The following LINGO1 variants were observed in gnomAD, a reference collection of about 807,000 sequenced individuals.
LINGO1 encodes the protein leucine-rich repeat and immunoglobulin-like domain-containing nogo receptor-interacting protein 1.
A neutral mutation model predicts 37.3 loss-of-function variants in LINGO1; 11 were observed. The observed-to-expected ratio is 0.29, with a 90% CI of 0.19 to 0.49. The LOEUF (loss-of-function observed/expected upper bound fraction) is 0.49. Among genes scored for constraint, LINGO1 ranks in the 20% least tolerant of loss-of-function variants. The pLI, the probability that LINGO1 is intolerant of heterozygous loss-of-function variation, is 0.99. For synonymous variants in LINGO1, 387 were observed against 403.0 expected, an observed-to-expected ratio of 0.96 and a Z score of 0.48; for missense variants, 585 against 878.2, an observed-to-expected ratio of 0.67 and a Z score of 4.22.
chr15:77,763,982 G>C (rs1013480380), intron 1 of LINGO1, among the ~76,000 whole-genome samples: 6 of 152,198 alleles, frequency 3.9e-5, no homozygotes, highest in Admixed American at 3.9e-4. Context: ...AGCTGAGCTT[G>C]AATCAAAGTC....
chr15:77,774,168 CACAG>C (rs2076613535), intron 1 of LINGO1, among the ~76,000 whole-genome samples: 1 of 152,120 alleles, frequency 6.6e-6, no homozygotes, highest in African/African-American at 2.4e-5. Context: ...GGTGTGGGGG[CACAG>C]CCTAGAGGGT....
intron 1 of LINGO1, among the ~76,000 whole-genome samples, chr15:77,776,448 AGCAGGAAGGCAGGAAG>A (rs767799691): frequency 0.032 from 3,180 of 100,640 alleles, 81 homozygotes; most frequent in Middle Eastern, 0.057. Context: ...CCGGGGCTTT[AGCAGGAAGGCAGGAAG>A]GCAGGAAGGC....
At chr15:77,645,097 G>A (rs756150088) in intron 3 of LINGO1, among the ~76,000 whole-genome samples, 2 of 152,148 alleles carry the variant, frequency 1.3e-5, no homozygotes, top group South Asian at 2.1e-4. Flanking sequence ...GGCCTGGTGC[G>A]CTTTCAGGAA....
At chr15:77,799,130 CCA>C (rs904312851) in intron 1 of LINGO1, among the ~76,000 whole-genome samples, 2 of 152,176 alleles carry the variant, frequency 1.3e-5, no homozygotes, top group African/African-American at 4.8e-5. Context: ...CTCCTCTTCC[CCA>C]GACCTGAGCC....
chr15:77,761,435 T>G (rs571584915), intron 1 of LINGO1, among the ~76,000 whole-genome samples: 51 of 152,120 alleles, frequency 3.4e-4, no homozygotes, highest in Non-Finnish European at 5.1e-4. Context: ...GGCGCAGAAG[T>G]TGGGACAGGC....
chr15:77,626,535 C>G (rs2074095274), intron 1 of LINGO1, among the ~76,000 whole-genome samples: 2 of 152,204 alleles, frequency 1.3e-5, no homozygotes, highest in East Asian at 3.9e-4. Context: ...CAGACACATA[C>G]AGGAGGAATG....
At chr15:77,732,623 G>A (rs545241664) in intron 2 of LINGO1, among the ~76,000 whole-genome samples, 3 of 152,332 alleles carry the variant, frequency 2.0e-5, no homozygotes, top group Admixed American at 6.5e-5. Flanking sequence ...GTGCAGTCCC[G>A]TCAGATGGGT....
Position 77,614,012 on chromosome 15 carries a change from C to A in LINGO1, c.*32G>T. On this transcript the variant is annotated 3_prime_UTR_variant, in exon 2 of 2. Coordinates refer to ENST00000355300, the MANE Select transcript of LINGO1 (RefSeq NM_032808.7). ...CGGCCAGGCCCCTTCCCCTGCCCGG[C>A]CGCCCGGGGGTCCCTGCCCCCCGCC... 6.5e-7 allele frequency: 1 copy of A among 1,530,418 alleles called. No individual in the cohort carries two copies. The highest frequency in any genetic ancestry group is 8.8e-7 in the Non-Finnish European group (1 of 1,136,034). 94.8% of individuals were successfully genotyped at this position (1,530,418 alleles called of 1,614,324 possible). A position where few individuals can be genotyped will look rare whatever the true frequency, so the allele number is the denominator to read the frequency against.
intron 2 of LINGO1, among the ~76,000 whole-genome samples, chr15:77,727,056 T>C (rs1011321076): frequency 6.6e-6 from 1 of 152,196 alleles, no homozygotes; most frequent in African/African-American, 2.4e-5. Flanking sequence ...TCACCTCAGA[T>C]AGGGATGGTC....
chr15:77,675,719 T>C (rs965244386), intron 3 of LINGO1, among the ~76,000 whole-genome samples: 2 of 152,042 alleles, frequency 1.3e-5, no homozygotes, highest in Non-Finnish European at 2.9e-5. Flanking sequence ...GATAGATACA[T>C]ACATAGATAA....
At chr15:77,781,859 G>T in intron 1 of LINGO1, among the ~76,000 whole-genome samples, 2 of 152,286 alleles carry the variant, frequency 1.3e-5, no homozygotes, top group Middle Eastern at 6.8e-3. Context: ...CAGGGCCCCC[G>T]GCCAGAGCTG....
chr15:77,648,443 A>G (rs549979289), intron 3 of LINGO1: 1 of 153,588 alleles, frequency 6.5e-6, no homozygotes, highest in East Asian at 1.9e-4. Flanking sequence ...CCCACTCCCC[A>G]GCTGGCTGAA....
chr15:77,736,096 ACTCTCATTCC>A (rs2076201466), intron 1 of LINGO1, among the ~76,000 whole-genome samples: 1 of 152,094 alleles, frequency 6.6e-6, no homozygotes, highest in South Asian at 2.1e-4. Flanking sequence ...TAGAGTAAAC[ACTCTCATTCC>A]CAGTCACCTC....
rs1402648615 is a variant in LINGO1 at position 77,613,216 on chromosome 15, C to T, written c.*828G>A. On this transcript the variant is annotated 3_prime_UTR_variant, in exon 2 of 2. Transcript: ENST00000355300. ...CAGCAAGTGAGCAGCAGAGCTGGGA[C>T]CAGAGGCTGGGGTGGGCCCCACCTC... The T allele has an allele frequency of 2.6e-5, 4 of 152,272 alleles. No homozygotes were observed. Among genetic ancestry groups the T allele is most frequent in the African/African-American group, 9.7e-5 (4 of 41,442 alleles). The allele number at this position is 152,272 out of a possible 1,614,324, so 9.4% of individuals were successfully genotyped here.
chr15:77,659,563 C>A (rs1422300979), intron 3 of LINGO1, among the ~76,000 whole-genome samples: 2 of 152,194 alleles, frequency 1.3e-5, no homozygotes, highest in Non-Finnish European at 2.9e-5. Context: ...CCTGAGACCA[C>A]ACAGCAGTTG....
chr15:77,808,432 G>A (rs56090037), intron 1 of LINGO1, among the ~76,000 whole-genome samples: 1,585 of 152,290 alleles, frequency 0.01, 13 homozygotes, highest in Non-Finnish European at 0.017. Flanking sequence ...CAGGGAAGCT[G>A]AGCCAAGATC....
intron 1 of LINGO1, among the ~76,000 whole-genome samples, chr15:77,779,946 C>G (rs2076699017): frequency 6.6e-6 from 1 of 152,162 alleles, no homozygotes; most frequent in Non-Finnish European, 1.5e-5. Context: ...CAGACACCGC[C>G]CCTGATAAGG....
chr15:77,777,465 G>GATTTTGGA (rs2076671293), intron 1 of LINGO1, among the ~76,000 whole-genome samples: 35 of 140,002 alleles, frequency 2.5e-4, no homozygotes, highest in African/African-American at 5.9e-4. Flanking sequence ...ATACACACAC[G>GATTTTGGA]CACACACACA....
Position 77,728,186 on chromosome 15 carries a change from G to A in LINGO1, c.-195+6806C>T, listed in dbSNP as rs559807195. 2.8e-4 allele frequency among the ~76,000 whole-genome samples: 43 copies of A among 152,308 alleles called. No individual in the cohort carries two copies. In the South Asian group the frequency reaches 8.9e-3, roughly 32 times the overall value. On this transcript the variant is annotated intron_variant, in intron 2 of 3. Transcript: ENST00000561686. ...GCCTCCTGGCCCGGCCAGGTCTGGC[G>A]GTGATCGATCCTGCCCAGGTGCAGG...
Sources: gnomAD v4.1 joint callset for allele counts (sites outside exome capture counted in the v4.1 genomes callset) on GRCh38, gnomAD v4.1.1 for gene constraint, MANE v1.5 for transcripts, NCBI Gene and HGNC (gene_info 2026-07-23, HGNC 2026-07-21) for gene names.